Variants in PLCG2 observed in about 807,000 individuals in gnomAD.
PLCG2 encodes 1-phosphatidylinositol 4,5-bisphosphate phosphodiesterase gamma-2.
A neutral mutation model predicts 175.6 loss-of-function variants in PLCG2; 69 were observed. The ratio of observed to expected loss-of-function variants is 0.39; its 90% confidence interval spans 0.32 to 0.48. The LOEUF is 0.48. PLCG2 is among the 20% of genes least tolerant of loss of function. PLCG2 has a pLI of 0.91. For missense variants in PLCG2, 1,798 were observed against 1,650.9 expected, an observed-to-expected ratio of 1.09 and a Z score of -1.54; for synonymous variants, 827 against 624.0, an observed-to-expected ratio of 1.33 and a Z score of -4.85.
chr16:81,743,138 T>TA (rs1211652657), intron 1 of PLCG2, among the ~76,000 whole-genome samples: 1 of 151,144 alleles, frequency 6.6e-6, no homozygotes, highest in African/African-American at 2.4e-5. Context: ...CTGTCTCTAC[T>TA]AAAAAAAGAA....
chr16:81,923,182 C>T (rs941459065), intron 21 of PLCG2, among the ~76,000 whole-genome samples: 4 of 152,064 alleles, frequency 2.6e-5, no homozygotes, highest in African/African-American at 9.7e-5. Flanking sequence ...CACCCTAACC[C>T]TAAGCCTAAC....
chr16:81,867,892 G>T (rs1907322922), intron 5 of PLCG2, among the ~76,000 whole-genome samples: 2 of 152,208 alleles, frequency 1.3e-5, no homozygotes, highest in South Asian at 2.1e-4. Context: ...GTAGAGACGG[G>T]GTTTCACCGT....
chr16:81,903,094 C>G (rs1041022035), intron 14 of PLCG2, among the ~76,000 whole-genome samples: 2 of 152,176 alleles, frequency 1.3e-5, no homozygotes, highest in Non-Finnish European at 2.9e-5. Context: ...TCTCCAAATA[C>G]CATTACATTG....
At chr16:81,823,350 C>T (rs796760173) in intron 2 of PLCG2, among the ~76,000 whole-genome samples, 124 of 152,278 alleles carry the variant, frequency 8.1e-4, no homozygotes, top group African/African-American at 2.9e-3. Flanking sequence ...GCTGCTTGCT[C>T]GCAGAGGCCA....
intron 2 of PLCG2, among the ~76,000 whole-genome samples, chr16:81,769,390 C>T (rs896512179): frequency 7.2e-5 from 11 of 152,190 alleles, no homozygotes; most frequent in South Asian, 2.1e-4. Flanking sequence ...CAGTTAAATG[C>T]GGATCCCTAG....
chr16:81,811,188 C>T (rs1943728562), intron 2 of PLCG2, among the ~76,000 whole-genome samples: 1 of 152,194 alleles, frequency 6.6e-6, no homozygotes, highest in Admixed American at 6.5e-5. Context: ...GTCTCCCATT[C>T]TGTCTGTGTG....
At chr16:81,876,453 A>T (rs1189006621) in intron 7 of PLCG2, among the ~76,000 whole-genome samples, 1 of 147,756 alleles carries the variant, frequency 6.8e-6, no homozygotes, top group Admixed American at 6.7e-5. Flanking sequence ...ACGTGGGAAA[A>T]CTCCATTCCT....
chr16:81,807,591 A>G (rs1019996255), intron 2 of PLCG2, among the ~76,000 whole-genome samples: 1 of 152,196 alleles, frequency 6.6e-6, no homozygotes, highest in African/African-American at 2.4e-5. Flanking sequence ...TGCTTACTTA[A>G]TTCCACAACT....
chr16:81,903,320 C>T (rs565799851), intron 14 of PLCG2, among the ~76,000 whole-genome samples: 4 of 152,232 alleles, frequency 2.6e-5, no homozygotes, highest in African/African-American at 7.2e-5. Context: ...GGTAGGGAGA[C>T]AAACCCGTCA....
intron 3 of PLCG2, among the ~76,000 whole-genome samples, chr16:81,856,617 A>G (rs2143481808): frequency 6.6e-6 from 1 of 152,288 alleles, no homozygotes; most frequent in South Asian, 2.1e-4. Flanking sequence ...TTTATTAGTT[A>G]GCATAGGGTT....
chr16:81,936,539 G>A (rs1910721092), intron 27 of PLCG2, among the ~76,000 whole-genome samples, 161 bp downstream of exon 27: 1 of 152,212 alleles, frequency 6.6e-6, no homozygotes, highest in Admixed American at 6.5e-5. Context: ...ATGAGGTCCA[G>A]CAGCTGAATG....
At chr16:81,864,567 T>C (rs929554092) in intron 5 of PLCG2, among the ~76,000 whole-genome samples, 3 of 152,152 alleles carry the variant, frequency 2.0e-5, no homozygotes, top group Admixed American at 2.0e-4. Context: ...TCCTCATGTG[T>C]AAAAGATAAA....
chr16:81,931,740 G>A lies in PLCG2; in HGVS notation c.2739+86G>A, dbSNP rs572249939. 28 of 1,117,796 alleles carry A rather than the reference G, an allele frequency of 2.5e-5. No individual in the cohort carries two copies. The South Asian group carries it at 3.7e-4, about 15-fold the overall frequency. 69.2% of individuals were successfully genotyped at this position (1,117,796 alleles called of 1,614,324 possible). A position where few individuals can be genotyped will look rare whatever the true frequency, so the allele number is the denominator to read the frequency against. The stretch of plus-strand genomic sequence containing the variant: ...TTGGGACTGTGGGTGGGTCCAGGCA[G>A]CAGGATGAGCAGGCCCAGGTCCTAC... On this transcript the variant is annotated intron_variant, in intron 25 of 32. Transcript: ENST00000564138.
chr16:81,778,028 A>ACAAAACAAAACAAAACAAAACAAAC (rs1325807074), upstream of PLCG2, among the ~76,000 whole-genome samples: 1 of 63,658 alleles, frequency 1.6e-5, no homozygotes, highest in African/African-American at 8.2e-5. Context: ...AAAAAAAAAA[A>ACAAAACAAAACAAAACAAAACAAAC]AAACAAAAAA....
At chr16:81,954,318 G>A (rs372504844) in intron 31 of PLCG2, among the ~76,000 whole-genome samples, 7 of 152,268 alleles carry the variant, frequency 4.6e-5, no homozygotes, top group East Asian at 1.9e-4. Context: ...CACTGCGCCC[G>A]GCGACTTGAT....
At chr16:81,910,860 G>A in intron 18 of PLCG2, 140 bp downstream of exon 18, 1 of 757,274 alleles carries the variant, frequency 1.3e-6, no homozygotes, top group Non-Finnish European at 2.2e-6. Flanking sequence ...AAATTGCCGA[G>A]GTGGCCAGTT....
chr16:81,819,043 G>A (rs1904678994), intron 2 of PLCG2, among the ~76,000 whole-genome samples: 1 of 152,022 alleles, frequency 6.6e-6, no homozygotes, highest in Non-Finnish European at 1.5e-5. Context: ...AATTTGCAGA[G>A]GAAGCTGAGG....
In PLCG2 at chr16:81,946,269, T is replaced by A. The variant is rs1350061370; in HGVS notation, c.3570+6T>A. ...GTGAGATGCGGCCAGTCCTGGTGAG[T>A]GGAGAAACACCAGTTAAGGGTTCCC... On this transcript the variant is annotated splice_donor_region_variant and intron_variant, in intron 31 of 32. Coordinates refer to ENST00000564138, the MANE Select transcript of PLCG2 (RefSeq NM_002661.5). The A allele has an allele frequency of 6.2e-7, 1 of 1,607,098 alleles. No individual in the cohort carries two copies. Among genetic ancestry groups the A allele is most frequent in the Non-Finnish European group, 8.5e-7 (1 of 1,173,874 alleles).
chr16:81,868,522 C>G (rs1907357843), intron 5 of PLCG2, among the ~76,000 whole-genome samples: 1 of 152,172 alleles, frequency 6.6e-6, no homozygotes, highest in South Asian at 2.1e-4. Context: ...CTCTGGGTGG[C>G]AGGTAGAGTC....
Sources: allele counts gnomAD v4.1 joint callset (sites outside exome capture counted in the v4.1 genomes callset), GRCh38; gene constraint gnomAD v4.1.1; transcripts MANE v1.5; gene names NCBI Gene and HGNC (gene_info 2026-07-23, HGNC 2026-07-21).